SCAPER: variants seen among roughly 807,000 people sequenced by gnomAD.
SCAPER encodes S-phase cyclin A associated protein in the ER.
In SCAPER, 98 loss-of-function variants were observed where a neutral mutation model predicts 182.2. The ratio of observed to expected loss-of-function variants is 0.54; its 90% CI spans 0.46 to 0.64. The LOEUF is 0.64. Ranked by LOEUF, SCAPER falls within the 30% of genes least tolerant of loss-of-function variation. The probability of loss-of-function intolerance (pLI) is 0.00; values close to 1 mark genes in which losing one functional copy is unlikely to be tolerated. For synonymous variants in SCAPER, 605 were observed against 564.6 expected (o/e 1.07, Z -1.01); for missense variants, 1,432 against 1,690.0 (o/e 0.85, Z 2.68).
intron 25 of SCAPER, among the ~76,000 whole-genome samples, chr15:76,470,665 C>T (rs2050081325): frequency 6.6e-6 from 1 of 152,190 alleles, no homozygotes; most frequent in Non-Finnish European, 1.5e-5. Flanking sequence ...GAGCTTACCT[C>T]TTTCAACATC....
intron 4 of SCAPER, among the ~76,000 whole-genome samples, chr15:76,843,202 T>C (rs1361344898): frequency 3.3e-5 from 5 of 152,216 alleles, no homozygotes; most frequent in African/African-American, 1.2e-4. Flanking sequence ...TTTCTTATAA[T>C]GTACAACGGG....
At chr15:76,752,072 GATTTGAA>G (rs2062119920) in intron 15 of SCAPER, among the ~76,000 whole-genome samples, 1 of 149,998 alleles carries the variant, frequency 6.7e-6, no homozygotes, top group Non-Finnish European at 1.5e-5. Context: ...ATGTGAAAAG[GATTTGAA>G]CAGACATTTC....
Position 76,477,604 on chromosome 15 carries a change from A to G in SCAPER, c.2955-6269T>C, listed in dbSNP as rs146883295. 1.3e-4 allele frequency among the ~76,000 whole-genome samples: 20 copies of G among 152,264 alleles called. No individual in the cohort carries two copies. The East Asian group carries it at 2.1e-3, about 16-fold the overall frequency. On this transcript the variant is annotated intron_variant, in intron 24 of 31. Transcript: ENST00000563290. ...AACTGCCCTCCAGAAAAAAAATTGT[A>G]ATCAATTTATACCCCCAGAAAAATA...
intron 1 of SCAPER, among the ~76,000 whole-genome samples, chr15:76,885,898 T>C (rs1182779279): frequency 1.3e-5 from 2 of 152,208 alleles, no homozygotes; most frequent in African/African-American, 4.8e-5. Context: ...AGACTAAACA[T>C]TCATCTGTTG....
At chr15:76,429,294 T>C (rs1228400653) in intron 26 of SCAPER, among the ~76,000 whole-genome samples, 3 of 152,072 alleles carry the variant, frequency 2.0e-5, no homozygotes, top group Admixed American at 2.0e-4. Flanking sequence ...TTGGTACCAG[T>C]AGAGTGGGGC....
rs1469222391 is a variant in SCAPER at position 76,723,017 on chromosome 15, T to C, written c.2165+5578A>G. Among the ~76,000 whole-genome samples, 3 of 152,174 alleles carry C rather than the reference T, an allele frequency of 2.0e-5. No homozygotes were observed. In the South Asian group the frequency reaches 6.2e-4, roughly 32 times the overall value. ...GCTTCTCTGGTTCTTTTAATTGTGA[T>C]GTTAGGGTGTCAATTTTAGATCTTT... On this transcript the variant is annotated intron_variant, in intron 17 of 31. Coordinates refer to ENST00000563290, the MANE Select transcript of SCAPER (RefSeq NM_020843.4).
chr15:76,393,763 T>C (rs1195556795), intron 27 of SCAPER, among the ~76,000 whole-genome samples: 1 of 152,188 alleles, frequency 6.6e-6, no homozygotes, highest in South Asian at 2.1e-4. Flanking sequence ...AAAGGTGATA[T>C]GGTTTCTAGC....
At chr15:76,626,751 A>AGAGTAAGTGACAGGT (rs1220763647) in intron 21 of SCAPER, among the ~76,000 whole-genome samples, 1 of 152,208 alleles carries the variant, frequency 6.6e-6, no homozygotes, top group Admixed American at 6.5e-5. Flanking sequence ...TCTATGGGGC[A>AGAGTAAGTGACAGGT]GAGTAAGTGA....
chr15:76,735,091 A>G (rs1362331298), intron 15 of SCAPER, among the ~76,000 whole-genome samples: 1 of 152,156 alleles, frequency 6.6e-6, no homozygotes, highest in Non-Finnish European at 1.5e-5. Flanking sequence ...CATGCCTGTA[A>G]TCCCAGCACG....
At chr15:76,461,806 G>A (rs964145499) in intron 25 of SCAPER, among the ~76,000 whole-genome samples, 12 of 152,108 alleles carry the variant, frequency 7.9e-5, no homozygotes, top group African/African-American at 2.7e-4. Flanking sequence ...CACTGTGAAT[G>A]CTATGTCATG....
intron 22 of SCAPER, among the ~76,000 whole-genome samples, chr15:76,618,810 GA>G (rs2051737988): frequency 6.6e-6 from 1 of 152,142 alleles, no homozygotes. Flanking sequence ...AAATGAGAAA[GA>G]AAGTGATATA....
At chr15:76,774,471 T>A (rs2063632910) in intron 9 of SCAPER, 2 of 332,974 alleles carry the variant, frequency 6.0e-6, no homozygotes, top group South Asian at 5.1e-5. Flanking sequence ...AATTAAATAA[T>A]ACATAGATAT....
intron 14 of SCAPER, among the ~76,000 whole-genome samples, chr15:76,761,463 T>C (rs2062784188): frequency 6.6e-6 from 1 of 152,214 alleles, no homozygotes; most frequent in Non-Finnish European, 1.5e-5. Context: ...GAGTCTTGTT[T>C]TGCTACATCT....
intron 10 of SCAPER, among the ~76,000 whole-genome samples, chr15:76,768,760 A>G (rs2063262170): frequency 1.3e-5 from 2 of 152,242 alleles, no homozygotes; most frequent in South Asian, 2.1e-4. Context: ...AAAGTAACCA[A>G]AAAACTAGCA....
intron 1 of SCAPER, among the ~76,000 whole-genome samples, chr15:76,887,900 G>C (rs1236506510): frequency 6.6e-6 from 1 of 152,188 alleles, no homozygotes; most frequent in Non-Finnish European, 1.5e-5. Flanking sequence ...ACACCTCCCA[G>C]GAGGGGCCAA....
At chr15:76,418,486 C>A (rs1697158540) in intron 26 of SCAPER, among the ~76,000 whole-genome samples, 1 of 152,212 alleles carries the variant, frequency 6.6e-6, no homozygotes, top group East Asian at 1.9e-4. Flanking sequence ...CCATGTTGGG[C>A]ACTCCCCACA....
At chr15:76,880,683 A>AAATTT (rs2073474789) in intron 2 of SCAPER, among the ~76,000 whole-genome samples, 1 of 152,146 alleles carries the variant, frequency 6.6e-6, no homozygotes, top group Non-Finnish European at 1.5e-5. Flanking sequence ...AAAGAAACGA[A>AAATTT]GATCTCTAAC....
At chr15:76,838,983 TG>T (rs1309530896) in intron 5 of SCAPER, among the ~76,000 whole-genome samples, 1 of 152,216 alleles carries the variant, frequency 6.6e-6, no homozygotes, top group African/African-American at 2.4e-5. Context: ...CTAGCTTACT[TG>T]GTAAGAGAGC....
intron 28 of SCAPER, among the ~76,000 whole-genome samples, chr15:76,377,781 T>A (rs2042669774): frequency 6.6e-6 from 1 of 152,240 alleles, no homozygotes; most frequent in Non-Finnish European, 1.5e-5. Flanking sequence ...TATTACATGA[T>A]GGGTTCTCAC....
Sources: allele counts gnomAD v4.1 joint callset (sites outside exome capture counted in the v4.1 genomes callset), GRCh38; gene constraint gnomAD v4.1.1; transcripts MANE v1.5; gene names NCBI Gene and HGNC (gene_info 2026-07-23, HGNC 2026-07-21).